MORN3: variants seen among roughly 807,000 people sequenced by gnomAD.
MORN3 encodes MORN repeat-containing protein 3.
In MORN3, 38 loss-of-function variants were observed where a neutral mutation model predicts 34.7. The ratio of observed to expected loss-of-function variants is 1.10; its 90% CI spans 0.85 to 1.44. MORN3 has a LOEUF of 1.44. Among genes scored for constraint, MORN3 ranks in the 40% most tolerant of loss-of-function variants. The probability of loss-of-function intolerance (pLI) is 0.00; values close to 1 mark genes in which losing one functional copy is unlikely to be tolerated. For missense variants in MORN3, 311 were observed against 321.7 expected (o/e 0.97, Z 0.25); for synonymous variants, 109 against 115.3 (o/e 0.95, Z 0.35).
upstream of MORN3, among the ~76,000 whole-genome samples, chr12:121,670,881 C>T (rs1354960281): frequency 1.3e-5 from 2 of 151,784 alleles, no homozygotes; most frequent in African/African-American, 2.4e-5. Flanking sequence ...GAGGCCGAGG[C>T]GGATGGATCA....
rs782135844 is a variant in MORN3, at chr12:121,654,267, C to G, written c.463+7G>C. The G allele has an allele frequency of 2.6e-6, 4 of 1,544,058 alleles. No individual in the cohort carries two copies. The highest frequency in any genetic ancestry group is 2.4e-5 in the East Asian group (1 of 42,364). On this transcript the variant is annotated splice_region_variant and intron_variant, in intron 3 of 5. Coordinates refer to ENST00000355329, the MANE Select transcript of MORN3 (RefSeq NM_173855.5). ...GTGGGCGGGGCCGGCGGGGGTGGGGCACTCACTCAGGCGCAGCATGCCCTC... is the reference window on the plus strand; with the variant it reads ...GTGGGCGGGGCCGGCGGGGGTGGGGGACTCACTCAGGCGCAGCATGCCCTC...
Position 121,654,383 on chromosome 12 carries a change from C to G in MORN3, c.354G>C (p.Trp118Cys), listed in dbSNP as rs1555325488. The G allele has an allele frequency of 1.2e-6, 2 of 1,601,608 alleles. No homozygotes were observed. Among genetic ancestry groups the G allele is most frequent in the Non-Finnish European group, 1.7e-6 (2 of 1,174,514 alleles). ...CCCACCCGCTGCGCTGGCTGCCACACCAGTCACCCTCATAATACTCCTTGG... is the reference window on the plus strand; with the variant it reads ...CCCACCCGCTGCGCTGGCTGCCACAGCAGTCACCCTCATAATACTCCTTGG... ...FGPKEYYEGD[W>C]CGSQRSGWGR... The change falls in exon 3 of 6, where the codon TGG becomes TGC. Residue 118 changes from tryptophan (W) to cysteine (C), a missense_variant. By Grantham distance (215) the Trp-to-Cys change is radical. Coordinates refer to ENST00000355329, the MANE Select transcript of MORN3 (RefSeq NM_173855.5).
chr12:121,665,664 C>G lies in MORN3; in HGVS notation c.145+3675G>C, dbSNP rs540266307. ...TCTGTAATCCCAGCTACTCAGGAGG[C>G]TGAGGCAGGATAATCGCTTGAACCT... On this transcript the variant is annotated intron_variant, in intron 1 of 5. Coordinates refer to ENST00000355329, the MANE Select transcript of MORN3 (RefSeq NM_173855.5). Among the ~76,000 whole-genome samples the G allele has an allele frequency of 8.3e-4, 122 of 146,910 alleles. 4 individuals carry two copies. In the South Asian group the frequency reaches 0.025, roughly 31 times the overall value.
At position 121,659,315 on chromosome 12, in the gene MORN3, G is replaced by A; in HGVS notation, c.179C>T (p.Ala60Val). ...AAACTTCCAGTCCCCCTCATAGATG[G>A]CTCCTTTCTTCTTCCAGACCTGTGT... Reference protein sequence around the residue: ...KGTQVWKKKGAIYEGDWKFGK... With the variant: ...KGTQVWKKKGVIYEGDWKFGK... The change falls in exon 2 of 6, where the codon GCC becomes GTC. Residue 60 changes from alanine to valine, a missense_variant. Coordinates refer to ENST00000355329, the MANE Select transcript of MORN3 (RefSeq NM_173855.5). The A allele has an allele frequency of 1.2e-6, 2 of 1,613,884 alleles. No homozygotes were observed. Among genetic ancestry groups the A allele is most frequent in the Admixed American group, 1.7e-5 (1 of 59,956 alleles).
chr12:121,671,442 G>C (rs547028509), upstream of MORN3, among the ~76,000 whole-genome samples: 4 of 151,344 alleles, frequency 2.6e-5, no homozygotes, highest in East Asian at 5.8e-4. Context: ...GAGACTTTAC[G>C]TATCATTATT....
Position 121,648,760 on chromosome 12 carries a change from T to A in MORN3, c.*2891A>T, listed in dbSNP as rs1217438777. 1 of 152,160 alleles carries A rather than the reference T, an allele frequency of 6.6e-6. No homozygotes were observed. The highest frequency in any genetic ancestry group is 1.5e-5 in the Non-Finnish European group (1 of 68,028). The allele number at this position is 152,160 out of a possible 1,614,324, so 9.4% of individuals were successfully genotyped here. A position where few individuals can be genotyped will look rare whatever the true frequency, so the allele number is the denominator to read the frequency against. On this transcript the variant is annotated 3_prime_UTR_variant, in exon 6 of 6. Transcript: ENST00000355329. ...AGCACAGTCTCTTTAACTTCATTTT[T>A]ATTTACATTTTGAATACATAATACA...
Position 121,649,167 on chromosome 12 carries a change from T to TCGAA in MORN3, c.*2480_*2483dup, listed in dbSNP as rs1388737904. 1 of 152,178 alleles carries TCGAA rather than the reference T, an allele frequency of 6.6e-6. No homozygotes were observed. The highest frequency in any genetic ancestry group is 2.4e-5 in the African/African-American group (1 of 41,432). 9.4% of individuals were successfully genotyped at this position (152,178 alleles called of 1,614,324 possible). On this transcript the variant is annotated 3_prime_UTR_variant, in exon 6 of 6. Coordinates refer to ENST00000355329, the MANE Select transcript of MORN3 (RefSeq NM_173855.5). ...TTTCACCATGTTGGTCAGGCTGGTC[T>TCGAA]CGAACTCCTGACCTCTTGATCCGCC...
chr12:121,668,495 C>T (rs1893843488), intron 1 of MORN3, among the ~76,000 whole-genome samples: 9 of 152,102 alleles, frequency 5.9e-5, no homozygotes, highest in Admixed American at 5.9e-4. Context: ...GAGCCAAGAT[C>T]GTGCCATTGC....
rs1893309959 is a variant in MORN3 at position 121,653,373 on chromosome 12, G to A, written c.464-114C>T. ...CCTAACACATTGGGAGGCCAAGATGGGAGGCTCATAAGCCCAGGAGATCAA... is the reference window on the plus strand; with the variant it reads ...CCTAACACATTGGGAGGCCAAGATGAGAGGCTCATAAGCCCAGGAGATCAA... On this transcript the variant is annotated intron_variant, in intron 3 of 5. Coordinates refer to ENST00000355329, the MANE Select transcript of MORN3 (RefSeq NM_173855.5). The A allele has an allele frequency of 2.4e-5, 27 of 1,102,678 alleles. No homozygotes were observed. In the South Asian group the frequency reaches 3.8e-4, roughly 16 times the overall value. 68.3% of individuals were successfully genotyped at this position (1,102,678 alleles called of 1,614,324 possible).
chr12:121,665,740 G>C, intron 1 of MORN3, among the ~76,000 whole-genome samples: 1 of 144,992 alleles, frequency 6.9e-6, no homozygotes. Context: ...ACTCCAGCCT[G>C]GGCGACAGAA....
At chr12:121,660,899 C>T (rs1031893057) in intron 1 of MORN3, among the ~76,000 whole-genome samples, 1 of 151,578 alleles carries the variant, frequency 6.6e-6, no homozygotes, top group African/African-American at 2.4e-5. Context: ...GAACTCCCGA[C>T]CTTAGGTGAT....
rs139896868 is a variant in MORN3 at position 121,654,338 on chromosome 12, G to A, written c.399C>T (p.Asn133=). The A allele has an allele frequency of 7.5e-6, 12 of 1,602,846 alleles. No homozygotes were observed. The African/African-American group carries it at 1.1e-4, about 14-fold the overall frequency. Residue 133 remains asparagine (N), a synonymous_variant, in exon 3 of 6, where the codon AAC becomes AAT. Coordinates refer to ENST00000355329, the MANE Select transcript of MORN3 (RefSeq NM_173855.5). ...RSGWGRMYYS[N]GDIYEGQWEN... ...CCCACTGTCCCTCGTAGATGTCGCCGTTGCTGTAATACATGCGGCCCCACC... is the reference window on the plus strand; with the variant it reads ...CCCACTGTCCCTCGTAGATGTCGCCATTGCTGTAATACATGCGGCCCCACC...
intron 1 of MORN3, among the ~76,000 whole-genome samples, chr12:121,668,962 C>T (rs1249146834): frequency 6.6e-6 from 1 of 152,148 alleles, no homozygotes; most frequent in East Asian, 1.9e-4. Context: ...CAGCTGAATG[C>T]GAAGCCCAGA....
At position 121,663,678 on chromosome 12, in the gene MORN3, A is replaced by G. The variant is rs536932710; in HGVS notation, c.146-4330T>C. Among the ~76,000 whole-genome samples, 4 of 152,286 alleles carry G rather than the reference A, an allele frequency of 2.6e-5. No individual in the cohort carries two copies. The South Asian group carries it at 6.2e-4, about 24-fold the overall frequency. On this transcript the variant is annotated intron_variant, in intron 1 of 5. Coordinates refer to ENST00000355329, the MANE Select transcript of MORN3 (RefSeq NM_173855.5). ...TCTCATGGGGTTGTTTCTTATCACTAGATTCCAGGATATGTGTACAGCACT... is the reference window on the plus strand; with the variant it reads ...TCTCATGGGGTTGTTTCTTATCACTGGATTCCAGGATATGTGTACAGCACT...
Position 121,657,489 on chromosome 12 carries a change from C to T in MORN3, c.303+1702G>A, listed in dbSNP as rs182428528. ...TGATTTTATCTCTGACCAATCAGCA[C>T]GCCTGGCTTACTCTTTCCCCCACCC... On this transcript the variant is annotated intron_variant, in intron 2 of 5. Transcript: ENST00000355329. Among the ~76,000 whole-genome samples the T allele has an allele frequency of 2.2e-3, 334 of 152,214 alleles. 3 individuals carry two copies. The highest frequency in any genetic ancestry group is 7.4e-3 in the African/African-American group (307 of 41,534).
chr12:121,669,834 T>TATATATATATA (rs1566488482), upstream of MORN3, among the ~76,000 whole-genome samples: 19 of 92,276 alleles, frequency 2.1e-4, no homozygotes, highest in East Asian at 3.4e-3. Flanking sequence ...ATATATATAT[T>TATATATATATA]TTTTTTTTTA....
chr12:121,655,959 G>T (rs1160660730), intron 2 of MORN3, among the ~76,000 whole-genome samples: 1 of 152,078 alleles, frequency 6.6e-6, no homozygotes, highest in African/African-American at 2.4e-5. Context: ...TGAACCAGGA[G>T]GCGGAGCTTG....
chr12:121,671,609 C>T (rs192597424), upstream of MORN3, among the ~76,000 whole-genome samples: 156 of 151,940 alleles, frequency 1.0e-3, no homozygotes, highest in Non-Finnish European at 1.9e-3. Context: ...AGGCCGGGAG[C>T]GGTGGCACAC....
At chr12:121,668,058 TGGGATTTCACCATATTGGCCAAGGTG>T (rs1893827489) in intron 1 of MORN3, among the ~76,000 whole-genome samples, 1 of 150,344 alleles carries the variant, frequency 6.7e-6, no homozygotes, top group Non-Finnish European at 1.5e-5. Flanking sequence ...TTAGTAGAGA[TGGGATTTCACCATATTGGCCAAGGTG>T]GTCTTGAACT....
Sources: allele counts gnomAD v4.1 joint callset (sites outside exome capture counted in the v4.1 genomes callset), GRCh38; gene constraint gnomAD v4.1.1; transcripts MANE v1.5; gene names NCBI Gene and HGNC (gene_info 2026-07-23, HGNC 2026-07-21).